Variants in HYAL4 observed in about 807,000 individuals in gnomAD.
HYAL4 encodes hyaluronidase-4.
In HYAL4, 37 loss-of-function variants were observed where a neutral mutation model predicts 35.2. The ratio of observed to expected loss-of-function variants is 1.05; its 90% CI spans 0.81 to 1.38. The LOEUF is 1.38. Among genes scored for constraint, HYAL4 ranks in the 40% most tolerant of loss-of-function variants. The pLI is 0.00. For missense variants in HYAL4, 572 were observed against 572.4 expected (o/e 1.00, Z 0.01); for synonymous variants, 198 against 203.2 (o/e 0.97, Z 0.22).
At chr7:123,834,216 G>A (rs1805926661) in intron 1 of HYAL4, among the ~76,000 whole-genome samples, 1 of 152,150 alleles carries the variant, frequency 6.6e-6, no homozygotes, top group Non-Finnish European at 1.5e-5. Flanking sequence ...CCATCCATGA[G>A]CATGGGATGT....
chr7:123,868,885 A>G lies in HYAL4; in HGVS notation c.612A>G (p.Lys204=). ...AAGCTTTCATGAAGGAAACCATCAA[A>G]TTGGGAATTAAGAGCCGACCCAAAG... ...SAKAFMKETI[K]LGIKSRPKGL... is the part of the protein sequence containing the mutation. Residue 204 remains lysine, a synonymous_variant, in exon 3 of 5, where the codon AAA becomes AAG. Coordinates refer to ENST00000223026, the MANE Select transcript of HYAL4 (RefSeq NM_012269.3). The G allele has an allele frequency of 1.9e-6, 3 of 1,614,196 alleles. No homozygotes were observed. Among genetic ancestry groups the G allele is most frequent in the Non-Finnish European group, 1.7e-6 (2 of 1,180,024 alleles).
At chr7:123,866,893 C>T (rs1806702018) in intron 2 of HYAL4, among the ~76,000 whole-genome samples, 1 of 150,712 alleles carries the variant, frequency 6.6e-6, no homozygotes, top group South Asian at 2.1e-4. Context: ...CAGGTTGAAG[C>T]GATTCTCCTG....
At chr7:123,873,301 A>G (rs1251746058) in intron 3 of HYAL4, among the ~76,000 whole-genome samples, 3 of 152,072 alleles carry the variant, frequency 2.0e-5, no homozygotes, top group Non-Finnish European at 2.9e-5. Flanking sequence ...TGTTCAACAG[A>G]TATTATAATC....
chr7:123,775,401 A>G, the HYAL4 span, among the ~76,000 whole-genome samples: 1 of 152,118 alleles, frequency 6.6e-6, no homozygotes, highest in African/African-American at 2.4e-5. Context: ...GGCACTCCAT[A>G]CTGGGAGACA....
chr7:123,872,195 T>G (rs538603079), intron 3 of HYAL4, among the ~76,000 whole-genome samples: 2 of 152,310 alleles, frequency 1.3e-5, no homozygotes, highest in East Asian at 3.9e-4. Context: ...TGTCTATTAT[T>G]GCACTCTGTA....
upstream of HYAL4, among the ~76,000 whole-genome samples, chr7:123,824,551 A>ACC (rs1805773565): frequency 6.6e-6 from 1 of 150,940 alleles, no homozygotes; most frequent in African/African-American, 2.4e-5. Context: ...GTTACAGGAA[A>ACC]CCCCCTTCTC....
intron 2 of HYAL4, among the ~76,000 whole-genome samples, chr7:123,866,732 C>T (rs1489160010): frequency 6.6e-6 from 1 of 151,908 alleles, no homozygotes; most frequent in Non-Finnish European, 1.5e-5. Context: ...ACAAAGTAGC[C>T]ACTATCGTCT....
At chr7:123,804,154 A>G in the HYAL4 span, among the ~76,000 whole-genome samples, 1,252 of 152,320 alleles carry the variant, frequency 8.2e-3, 7 homozygotes, top group Middle Eastern at 0.014. Flanking sequence ...CACCCAACCT[A>G]TGTGAATAAA....
intron 1 of HYAL4, among the ~76,000 whole-genome samples, chr7:123,833,116 A>G (rs1415527839): frequency 6.6e-6 from 1 of 152,196 alleles, no homozygotes; most frequent in East Asian, 1.9e-4. Flanking sequence ...GGTTGCTGGA[A>G]CAAATGGTAG....
rs1187258868 is a variant in HYAL4, at chr7:123,860,643, T to A, written c.-51-7580T>A. 3.3e-5 allele frequency among the ~76,000 whole-genome samples: 5 copies of A among 152,194 alleles called. No homozygotes were observed. In the South Asian group the frequency reaches 8.3e-4, roughly 25 times the overall value. ...GTCTTATGTGGCCTTTGCCTTATAG[T>A]AGACATTTATTTTGTTGTCCTAATT... On this transcript the variant is annotated intron_variant, in intron 2 of 4. Transcript: ENST00000223026.
chr7:123,799,155 T>C, the HYAL4 span, among the ~76,000 whole-genome samples: 1 of 152,186 alleles, frequency 6.6e-6, no homozygotes, highest in Non-Finnish European at 1.5e-5. Context: ...ACAAACTCTT[T>C]TAGTATTGAT....
At chr7:123,797,124 C>T in the HYAL4 span, among the ~76,000 whole-genome samples, 5 of 152,234 alleles carry the variant, frequency 3.3e-5, no homozygotes, top group African/African-American at 1.2e-4. Context: ...CATATGGGGG[C>T]AAAGTCAGGT....
At chr7:123,822,376 C>T in the HYAL4 span, among the ~76,000 whole-genome samples, 1 of 151,576 alleles carries the variant, frequency 6.6e-6, no homozygotes, top group South Asian at 2.1e-4. Flanking sequence ...AAGTTTATTC[C>T]TAAGTATTTT....
At chr7:123,810,383 A>G in the HYAL4 span, among the ~76,000 whole-genome samples, 1 of 152,246 alleles carries the variant, frequency 6.6e-6, no homozygotes, top group African/African-American at 2.4e-5. Flanking sequence ...TTACCATAAT[A>G]TAGTTCACAA....
the HYAL4 span, among the ~76,000 whole-genome samples, chr7:123,769,615 TGCCAACA>T: frequency 4.6e-5 from 7 of 152,124 alleles, no homozygotes; most frequent in African/African-American, 1.4e-4. Flanking sequence ...TGATGGCTTC[TGCCAACA>T]GCCCTTCCAG....
the HYAL4 span, among the ~76,000 whole-genome samples, chr7:123,823,796 C>T: frequency 6.6e-6 from 1 of 150,434 alleles, no homozygotes; most frequent in Admixed American, 6.7e-5. Context: ...TTCATTTCTT[C>T]TAGGTTATCC....
At chr7:123,766,875 A>G in the HYAL4 span, among the ~76,000 whole-genome samples, 1 of 152,210 alleles carries the variant, frequency 6.6e-6, no homozygotes, top group South Asian at 2.1e-4. Flanking sequence ...CAATCACATT[A>G]ACTATGTCAA....
At chr7:123,862,401 A>G (rs1386503802) in intron 2 of HYAL4, among the ~76,000 whole-genome samples, 1 of 152,192 alleles carries the variant, frequency 6.6e-6, no homozygotes, top group Non-Finnish European at 1.5e-5. Flanking sequence ...TATCATGAAA[A>G]AAGAAATAGA....
chr7:123,784,901 A>G, the HYAL4 span, among the ~76,000 whole-genome samples: 6 of 152,204 alleles, frequency 3.9e-5, no homozygotes, highest in Admixed American at 3.3e-4. Flanking sequence ...AAGCTGTGTG[A>G]CCTCTAGAAC....
Sources: allele counts gnomAD v4.1 joint callset (sites outside exome capture counted in the v4.1 genomes callset), GRCh38; gene constraint gnomAD v4.1.1; transcripts MANE v1.5; gene names NCBI Gene and HGNC (gene_info 2026-07-23, HGNC 2026-07-21).